The following ADAMTS14 variants were observed in gnomAD, a reference collection of about 807,000 sequenced individuals.
ADAMTS14 encodes ADAM metallopeptidase with thrombospondin type 1 motif 14.
In ADAMTS14, 100 loss-of-function variants were observed where a neutral mutation model predicts 128.6. The observed-to-expected ratio is 0.78, with a 90% CI of 0.66 to 0.92. The LOEUF (loss-of-function observed/expected upper bound fraction) is 0.92, where lower values mean the gene tolerates loss of function less well. Among genes scored for constraint, ADAMTS14 ranks in the 40% least tolerant of loss-of-function variants. The pLI is 0.00. For missense variants in ADAMTS14, 1,562 were observed against 1,658.6 expected, an observed-to-expected ratio of 0.94 and a Z score of 1.01; for synonymous variants, 665 against 653.8, an observed-to-expected ratio of 1.02 and a Z score of -0.26.
At chr10:70,696,153 T>C (rs1457720547) in intron 2 of ADAMTS14, among the ~76,000 whole-genome samples, 2 of 151,990 alleles carry the variant, frequency 1.3e-5, no homozygotes, top group Non-Finnish European at 2.9e-5. Context: ...CAGATAGGAA[T>C]GGTCTTGTAG....
rs1219415275 is a variant in ADAMTS14, at chr10:70,752,483, G to C, written c.2729+256G>C. ...CAGCCATGGTCCAGCCCCTAATTGG[G>C]ATTCCCTGGCTTGCGGCTACATGCT... On this transcript the variant is annotated intron_variant, in intron 18 of 21. Coordinates refer to ENST00000373207, the MANE Select transcript of ADAMTS14 (RefSeq NM_080722.4). Among the ~76,000 whole-genome samples, 3 of 151,974 alleles carry C rather than the reference G, an allele frequency of 2.0e-5. No homozygotes were observed. The East Asian group carries it at 5.8e-4, about 29-fold the overall frequency.
chr10:70,757,814 C>A, intron 19 of ADAMTS14, 148 bp from the exon 20 acceptor site: 1 of 1,211,546 alleles, frequency 8.3e-7, no homozygotes. Flanking sequence ...CTTGCATGTC[C>A]CTCTGGTCAA....
intron 1 of ADAMTS14, among the ~76,000 whole-genome samples, chr10:70,673,264 G>GGTGT (rs144103256): frequency 0.045 from 5,536 of 122,982 alleles, 313 homozygotes; most frequent in African/African-American, 0.13. Flanking sequence ...GGGTGCAAGG[G>GGTGT]GTGTGTGTGT....
chr10:70,706,895 A>G (rs1406453640), intron 3 of ADAMTS14, among the ~76,000 whole-genome samples: 1 of 152,220 alleles, frequency 6.6e-6, no homozygotes, highest in Non-Finnish European at 1.5e-5. Flanking sequence ...AGAGGTTCCC[A>G]TGGATGCATC....
intron 4 of ADAMTS14, among the ~76,000 whole-genome samples, chr10:70,709,592 C>T (rs577734909): frequency 6.9e-6 from 1 of 145,122 alleles, no homozygotes; most frequent in South Asian, 2.2e-4. Flanking sequence ...GCTCCATCTC[C>T]CGGGTTCACG....
At position 70,762,409 on chromosome 10, in the gene ADAMTS14, T is replaced by C. The variant is rs1411674006; in HGVS notation, c.*1556T>C. ...GGAAATCCAGATCTTTAAAATTTTA[T>C]GTATTTATTAACATCGCCATTGGAC... On this transcript the variant is annotated 3_prime_UTR_variant, in exon 22 of 22. Transcript: ENST00000373207. 1 of 152,274 alleles carries C rather than the reference T, an allele frequency of 6.6e-6. No homozygotes were observed. The highest frequency in any genetic ancestry group is 2.4e-5 in the African/African-American group (1 of 41,468). 9.4% of individuals were successfully genotyped at this position (152,274 alleles called of 1,614,324 possible).
chr10:70,736,711 G>T lies in ADAMTS14; in HGVS notation c.1517G>T (p.Trp506Leu), dbSNP rs1403492599. 1 of 1,613,912 alleles carries T rather than the reference G, an allele frequency of 6.2e-7. No individual in the cohort carries two copies. The highest frequency in any genetic ancestry group is 8.5e-7 in the Non-Finnish European group (1 of 1,179,882). ...FRTFEPCKQL[W>L]CSHPDNPYFC... ...ACCTTTGAGCCCTGCAAGCAGCTGT[G>T]GTGCAGCCATCCTGACAACCCGTAC... The change falls in exon 10 of 22, where the codon TGG (tryptophan) becomes TTG (leucine). Residue 506 changes from tryptophan (W) to leucine (L), a missense_variant. By Grantham distance (61) the Trp-to-Leu change is moderately conservative. Coordinates refer to ENST00000373207, the MANE Select transcript of ADAMTS14 (RefSeq NM_080722.4).
At chr10:70,747,217 T>C (rs1250093252) in intron 15 of ADAMTS14, among the ~76,000 whole-genome samples, 1 of 152,146 alleles carries the variant, frequency 6.6e-6, no homozygotes, top group Non-Finnish European at 1.5e-5. Flanking sequence ...TGAAGGCATC[T>C]GAAAGGGCAT....
chr10:70,710,981 G>A (rs918335653), intron 4 of ADAMTS14, among the ~76,000 whole-genome samples: 1 of 152,218 alleles, frequency 6.6e-6, no homozygotes, highest in Non-Finnish European at 1.5e-5. Context: ...GGTCACTAGG[G>A]GGACAGCCCC....
intron 4 of ADAMTS14, among the ~76,000 whole-genome samples, chr10:70,722,695 C>T (rs1841309263): frequency 6.6e-6 from 1 of 152,164 alleles, no homozygotes; most frequent in African/African-American, 2.4e-5. Flanking sequence ...TTACAGGACA[C>T]AGGACCCAAC....
chr10:70,751,734 T>A, intron 17 of ADAMTS14, 88 bp downstream of exon 17: 3 of 1,493,976 alleles, frequency 2.0e-6, no homozygotes, highest in Non-Finnish European at 2.8e-6. Flanking sequence ...TTGTCTCCAT[T>A]TGATGTGTCC....
chr10:70,716,913 G>A (rs1171567611), intron 4 of ADAMTS14, among the ~76,000 whole-genome samples: 2 of 152,190 alleles, frequency 1.3e-5, no homozygotes, highest in Non-Finnish European at 2.9e-5. Flanking sequence ...CATTGACCTG[G>A]GGAGGTGCTA....
chr10:70,728,883 C>T (rs1841527646), intron 4 of ADAMTS14, among the ~76,000 whole-genome samples: 1 of 152,184 alleles, frequency 6.6e-6, no homozygotes, highest in South Asian at 2.1e-4. Flanking sequence ...AGACATTATG[C>T]CAGTGGCAAC....
intron 3 of ADAMTS14, 55 bp from the exon 4 acceptor site, chr10:70,708,533 C>A (rs940470652): frequency 1.1e-5 from 16 of 1,506,078 alleles, no homozygotes; most frequent in Non-Finnish European, 1.4e-5. Context: ...GGCAATGTCA[C>A]AGTGACAGCC....
chr10:70,719,776 C>G (rs139076196), intron 4 of ADAMTS14, among the ~76,000 whole-genome samples: 1 of 152,150 alleles, frequency 6.6e-6, no homozygotes, highest in African/African-American at 2.4e-5. Flanking sequence ...GGTTTCAAAG[C>G]CTTGACATCT....
At chr10:70,737,231 G>A (rs994389056) in intron 10 of ADAMTS14, among the ~76,000 whole-genome samples, 2 of 152,128 alleles carry the variant, frequency 1.3e-5, no homozygotes, top group Non-Finnish European at 2.9e-5. Context: ...TGAGACACAC[G>A]TGTTCTCCCC....
At chr10:70,720,470 A>T (rs774998551) in intron 4 of ADAMTS14, among the ~76,000 whole-genome samples, 2 of 152,170 alleles carry the variant, frequency 1.3e-5, no homozygotes, top group Non-Finnish European at 2.9e-5. Context: ...CTTAGATTTG[A>T]TGAAATATGG....
At chr10:70,677,930 T>G (rs1226277582) in intron 2 of ADAMTS14, among the ~76,000 whole-genome samples, 1 of 152,256 alleles carries the variant, frequency 6.6e-6, no homozygotes, top group Non-Finnish European at 1.5e-5. Flanking sequence ...CTCTGGATTT[T>G]AATCCCATAT....
At position 70,752,147 on chromosome 10, in the gene ADAMTS14, G is replaced by T. The variant is rs956276980; in HGVS notation, c.2649G>T (p.Val883=). The T allele has an allele frequency of 1.2e-5, 20 of 1,613,450 alleles. No homozygotes were observed. The highest frequency in any genetic ancestry group is 1.7e-5 in the Non-Finnish European group (20 of 1,179,976). ...GCRRRRDHHM[V]QRHLCDHKKR... ...GGCGCAGACGAGACCACCACATGGTGCAGCGACACCTGTGTGACCACAAGA... is the reference window on the plus strand; with the variant it reads ...GGCGCAGACGAGACCACCACATGGTTCAGCGACACCTGTGTGACCACAAGA... The change falls in exon 18 of 22, where the codon GTG becomes GTT. Residue 883 remains valine (V), a synonymous_variant. Transcript: ENST00000373207.
Sources: gnomAD v4.1 joint callset for allele counts (sites outside exome capture counted in the v4.1 genomes callset) on GRCh38, gnomAD v4.1.1 for gene constraint, MANE v1.5 for transcripts, NCBI Gene and HGNC (gene_info 2026-07-23, HGNC 2026-07-21) for gene names.